Variants in AGAP1 observed in about 807,000 individuals in gnomAD.
The protein encoded by AGAP1 is ArfGAP with GTPase domain, ankyrin repeat and PH domain 1.
Under a neutral mutation model 105.3 loss-of-function variants are expected in AGAP1, and 29 were observed. The observed-to-expected ratio is 0.28, with a 90% CI of 0.21 to 0.38. The LOEUF (loss-of-function observed/expected upper bound fraction) is 0.38. Among genes scored for constraint, AGAP1 ranks in the 10% least tolerant of loss-of-function variants. The pLI, the probability that AGAP1 is intolerant of heterozygous loss-of-function variation, is 1.00. For missense variants in AGAP1, 998 were observed against 1,165.1 expected (o/e 0.86, Z 2.09); for synonymous variants, 509 against 485.9 (o/e 1.05, Z -0.63).
At position 236,109,303 on chromosome 2, in the gene AGAP1, C is replaced by T. The variant is rs1028506091; in HGVS notation, c.2115-10889C>T. Among the ~76,000 whole-genome samples the T allele has an allele frequency of 9.2e-5, 14 of 152,144 alleles. No individual in the cohort carries two copies. Among genetic ancestry groups the T allele is most frequent in the Admixed American group, 2.6e-4 (4 of 15,270 alleles). On this transcript the variant is annotated intron_variant, in intron 16 of 17. Coordinates refer to ENST00000304032, the MANE Select transcript of AGAP1 (RefSeq NM_001037131.3). The surrounding 1 kb of genome is among the most constrained non-coding windows in gnomAD (Gnocchi z 5.4). ...CCCGCCCTGCCGAGCACCTCATTCC[C>T]GGGCAGCACTTCTGTTTTGGGTACT... is the stretch of plus-strand genomic sequence containing the variant.
At chr2:236,021,575 TG>T (rs926590985) in intron 13 of AGAP1, among the ~76,000 whole-genome samples, 14 of 152,324 alleles carry the variant, frequency 9.2e-5, no homozygotes, top group African/African-American at 3.4e-4. Flanking sequence ...TCACCGCACG[TG>T]CCTATCGTTG....
intron 1 of AGAP1, among the ~76,000 whole-genome samples, chr2:235,526,299 G>C (rs977807093): frequency 6.6e-6 from 1 of 152,236 alleles, no homozygotes; most frequent in Non-Finnish European, 1.5e-5. Context: ...TGAATCCAGA[G>C]GCATATCTAG....
In AGAP1 at chr2:235,748,422, T is replaced by TA. The variant is rs552360699; in HGVS notation, c.539-1922dup. Reference sequence around the variant, plus strand: ...ACAATTAAAAAGAAATGTTTATACTTAAAAAAAAAACTTTCTTTTCTTAAA... The same window carrying TA: ...ACAATTAAAAAGAAATGTTTATACTTAAAAAAAAAAACTTTCTTTTCTTAAA... On this transcript the variant is annotated intron_variant, in intron 5 of 17. Transcript: ENST00000304032. Among the ~76,000 whole-genome samples the TA allele has an allele frequency of 6.4e-3, 953 of 149,594 alleles. 8 individuals are homozygous for TA. Among genetic ancestry groups the TA allele is most frequent in the South Asian group, 0.035 (162 of 4,690 alleles).
Position 236,053,097 on chromosome 2 carries a change from C to T in AGAP1, c.2114+3816C>T, listed in dbSNP as rs1183426089. Among the ~76,000 whole-genome samples the T allele has an allele frequency of 6.6e-6, 1 of 152,126 alleles. No homozygotes were observed. The highest frequency in any genetic ancestry group is 1.5e-5 in the Non-Finnish European group (1 of 68,022). On this transcript the variant is annotated intron_variant, in intron 16 of 17. Transcript: ENST00000304032. The surrounding 1 kb of genome is among the most constrained non-coding windows in gnomAD (Gnocchi z 4.6). Reference sequence around the variant, plus strand: ...TGTTGTAGGGCGTCGAGCAGCTGGGCCGGGGGCCACCAGCCAGGCGGGGCT... The same window carrying T: ...TGTTGTAGGGCGTCGAGCAGCTGGGTCGGGGGCCACCAGCCAGGCGGGGCT...
intron 1 of AGAP1, among the ~76,000 whole-genome samples, chr2:235,707,434 C>T (rs908611635): frequency 6.5e-5 from 9 of 139,220 alleles, no homozygotes; most frequent in African/African-American, 2.1e-4. Flanking sequence ...TTGCAGGGCC[C>T]GTGGCATCTG....
At chr2:235,780,069 A>G (rs1408241460) in intron 6 of AGAP1, among the ~76,000 whole-genome samples, 3 of 152,334 alleles carry the variant, frequency 2.0e-5, no homozygotes, top group African/African-American at 7.2e-5. Context: ...ACGTTAGCCT[A>G]AAAGAGTGTT....
At chr2:235,502,635 A>C (rs747040473) in intron 1 of AGAP1, among the ~76,000 whole-genome samples, 1 of 150,574 alleles carries the variant, frequency 6.6e-6, no homozygotes, top group African/African-American at 2.4e-5. Flanking sequence ...GCAACTGTCT[A>C]ATCTTTAAAA....
intron 1 of AGAP1, among the ~76,000 whole-genome samples, chr2:235,686,643 A>ATATATATG (rs1949439017): frequency 1.3e-4 from 5 of 39,152 alleles, no homozygotes; most frequent in South Asian, 7.8e-4. Context: ...ATATATATAT[A>ATATATATG]TAGATATATA....
Position 235,799,906 on chromosome 2 carries a change from C to A in AGAP1, c.957+384C>A, listed in dbSNP as rs1040252396. On this transcript the variant is annotated intron_variant, in intron 8 of 17. Transcript: ENST00000304032. The surrounding 1 kb of genome is among the most constrained non-coding windows in gnomAD (Gnocchi z 5.0). ...TATAAGCTATTACTGTCCACAGGCC[C>A]TCTTCTTCTTCTGCTGGGGTGCCTG... Among the ~76,000 whole-genome samples, 1 of 151,934 alleles carries A rather than the reference C, an allele frequency of 6.6e-6. No homozygotes were observed. Among genetic ancestry groups the A allele is most frequent in the African/African-American group, 2.4e-5 (1 of 41,352 alleles).
rs1002498224 is a variant in AGAP1, at chr2:235,665,529, A to G, written c.164-43650A>G. ...AATTTTCAGTTCCTAGAAGCTGAGCATCATGGCAAATCTTAGCTTAGAAAC... is the reference window on the plus strand; with the variant it reads ...AATTTTCAGTTCCTAGAAGCTGAGCGTCATGGCAAATCTTAGCTTAGAAAC... On this transcript the variant is annotated intron_variant, in intron 1 of 17. Transcript: ENST00000304032. This position sits in a 1 kb window ranked among gnomAD's most constrained non-coding sequence, Gnocchi z 5.3. Among the ~76,000 whole-genome samples the G allele has an allele frequency of 3.3e-5, 5 of 152,252 alleles. No individual in the cohort carries two copies. The highest frequency in any genetic ancestry group is 5.9e-5 in the Non-Finnish European group (4 of 68,042).
chr2:235,992,290 C>T lies in AGAP1; in HGVS notation c.1645+23667C>T, dbSNP rs552867736. Reference sequence around the variant, plus strand: ...GAGTTGCAGCTCCACCTCTTCCTGGCGGGTGGCCTGGGCGAGTGCCTCACG... The same window carrying T: ...GAGTTGCAGCTCCACCTCTTCCTGGTGGGTGGCCTGGGCGAGTGCCTCACG... On this transcript the variant is annotated intron_variant, in intron 13 of 17. Transcript: ENST00000304032. This position sits in a 1 kb window ranked among gnomAD's most constrained non-coding sequence, Gnocchi z 4.8. Among the ~76,000 whole-genome samples the T allele has an allele frequency of 6.6e-6, 1 of 152,230 alleles. No individual in the cohort carries two copies. The highest frequency in any genetic ancestry group is 1.5e-5 in the Non-Finnish European group (1 of 68,046).
chr2:236,017,791 A>G (rs932515935), intron 13 of AGAP1, among the ~76,000 whole-genome samples: 1 of 152,144 alleles, frequency 6.6e-6, no homozygotes, highest in African/African-American at 2.4e-5. Context: ...ACATTATCTC[A>G]TTTAATCTTC....
intron 10 of AGAP1, among the ~76,000 whole-genome samples, chr2:235,884,370 T>C (rs2050170064): frequency 6.6e-6 from 1 of 152,198 alleles, no homozygotes; most frequent in Admixed American, 6.5e-5. Flanking sequence ...TGTAATAGAA[T>C]GTAAATTCTC....
intron 1 of AGAP1, among the ~76,000 whole-genome samples, chr2:235,619,866 T>C (rs752694207): frequency 1.8e-4 from 28 of 152,188 alleles, no homozygotes; most frequent in Non-Finnish European, 3.1e-4. Context: ...TCTACTTTTT[T>C]CTGCAAGGTT....
rs576385853 is a variant in AGAP1 at position 236,006,925 on chromosome 2, T to A, written c.1646-29636T>A. On this transcript the variant is annotated intron_variant, in intron 13 of 17. Coordinates refer to ENST00000304032, the MANE Select transcript of AGAP1 (RefSeq NM_001037131.3). Reference sequence around the variant, plus strand: ...TTTAAATGAAAGAAATGAGACACTTTTTATTCCGTTGTTGTGTTAGCCCTG... The same window carrying A: ...TTTAAATGAAAGAAATGAGACACTTATTATTCCGTTGTTGTGTTAGCCCTG... 9.2e-5 allele frequency among the ~76,000 whole-genome samples: 14 copies of A among 152,308 alleles called. No individual in the cohort carries two copies. The South Asian group carries it at 2.9e-3, about 32-fold the overall frequency.
Position 236,114,463 on chromosome 2 carries a change from A to T in AGAP1, c.2115-5729A>T, listed in dbSNP as rs146702866. On this transcript the variant is annotated intron_variant, in intron 16 of 17. Coordinates refer to ENST00000304032, the MANE Select transcript of AGAP1 (RefSeq NM_001037131.3). The surrounding 1 kb of genome is among the most constrained non-coding windows in gnomAD (Gnocchi z 5.0). ...TGCTATCCAGAGTATGTGTCAGCTC[A>T]GGCTGCCAAAATAAAGTATTACACT... is the stretch of plus-strand genomic sequence containing the variant. Among the ~76,000 whole-genome samples the T allele has an allele frequency of 1.3e-5, 2 of 152,352 alleles. No individual in the cohort carries two copies. Among genetic ancestry groups the T allele is most frequent in the African/African-American group, 4.8e-5 (2 of 41,592 alleles).
In AGAP1 at chr2:236,120,489, G is replaced by C; in HGVS notation, c.2370+42G>C. On this transcript the variant is annotated intron_variant, in intron 17 of 17. Transcript: ENST00000304032. The surrounding 1 kb of genome is among the most constrained non-coding windows in gnomAD (Gnocchi z 6.0). The stretch of plus-strand genomic sequence containing the variant: ...CCTGGCAGAGGACGGGGCCACAGGA[G>C]GCACTCTCTGCTTTGTTCTGCTTCC... The C allele has an allele frequency of 1.2e-6, 2 of 1,607,804 alleles. No homozygotes were observed. Among genetic ancestry groups the C allele is most frequent in the Non-Finnish European group, 1.7e-6 (2 of 1,178,194 alleles).
intron 1 of AGAP1, among the ~76,000 whole-genome samples, chr2:235,579,137 T>G (rs1387700982): frequency 6.6e-6 from 1 of 152,196 alleles, no homozygotes; most frequent in South Asian, 2.1e-4. Flanking sequence ...TGTGGCTGGT[T>G]TACTGTCGTA....
In AGAP1 at chr2:235,855,173, A is replaced by G. The variant is rs2048634827; in HGVS notation, c.1051-28172A>G. Among the ~76,000 whole-genome samples the G allele has an allele frequency of 6.6e-6, 1 of 152,240 alleles. No homozygotes were observed. Among genetic ancestry groups the G allele is most frequent in the South Asian group, 2.1e-4 (1 of 4,836 alleles). On this transcript the variant is annotated intron_variant, in intron 9 of 17. Transcript: ENST00000304032. The surrounding 1 kb of genome is among the most constrained non-coding windows in gnomAD (Gnocchi z 5.0). The stretch of plus-strand genomic sequence containing the variant: ...CAACAAACCAGCCTCATCAGGCCCC[A>G]GGTGGAAAATCGGCGTGGTGACGCA...
Sources: gnomAD v4.1 joint callset for allele counts (sites outside exome capture counted in the v4.1 genomes callset) on GRCh38, gnomAD v4.1.1 for gene constraint, Gnocchi (gnomAD v3.1) non-coding constraint, MANE v1.5 for transcripts, NCBI Gene and HGNC (gene_info 2026-07-23, HGNC 2026-07-21) for gene names.